Variants in RBFOX1 observed in about 807,000 individuals in gnomAD.
RBFOX1 encodes the protein RNA binding fox-1 homolog 1.
Under a neutral mutation model 57.7 loss-of-function variants are expected in RBFOX1, and 8 were observed. The ratio of observed to expected loss-of-function variants is 0.14; its 90% CI spans 0.08 to 0.25. The LOEUF is 0.25. Ranked by LOEUF, RBFOX1 falls within the 10% of genes least tolerant of loss-of-function variation. The pLI, the probability that RBFOX1 is intolerant of heterozygous loss-of-function variation, is 1.00. For synonymous variants in RBFOX1, 326 were observed against 222.4 expected, an observed-to-expected ratio of 1.47 and a Z score of -4.15; for missense variants, 611 against 548.5, an observed-to-expected ratio of 1.11 and a Z score of -1.14.
At chr16:6,944,877 G>C (rs1464811093) in intron 3 of RBFOX1, among the ~76,000 whole-genome samples, 1 of 152,170 alleles carries the variant, frequency 6.6e-6, no homozygotes, top group African/African-American at 2.4e-5. Context: ...GATGATGGCT[G>C]ATTCGTGGGT....
At chr16:6,390,538 T>A (rs2152931756) in intron 2 of RBFOX1, among the ~76,000 whole-genome samples, 1 of 150,594 alleles carries the variant, frequency 6.6e-6, no homozygotes, top group East Asian at 1.9e-4. Flanking sequence ...CAACTTATAA[T>A]TTAGGGAGGG....
chr16:7,267,937 C>T (rs1170982961), intron 4 of RBFOX1, among the ~76,000 whole-genome samples: 2 of 152,154 alleles, frequency 1.3e-5, no homozygotes, highest in Non-Finnish European at 2.9e-5. Flanking sequence ...CACTTAATGG[C>T]AGGGGTACCG....
chr16:6,598,069 T>C (rs2097795372), intron 2 of RBFOX1, among the ~76,000 whole-genome samples: 1 of 152,178 alleles, frequency 6.6e-6, no homozygotes, highest in Non-Finnish European at 1.5e-5. Context: ...TCAGGTTTGG[T>C]TTTCTGGTAC....
At chr16:7,273,923 G>C (rs529936679) in intron 4 of RBFOX1, among the ~76,000 whole-genome samples, 22 of 152,236 alleles carry the variant, frequency 1.4e-4, no homozygotes, top group African/African-American at 5.1e-4. Context: ...GATTGCTTCT[G>C]TTTTTCTGTA....
At chr16:5,660,652 T>A (rs544252375) in intron 3 of RBFOX1, among the ~76,000 whole-genome samples, 1 of 152,324 alleles carries the variant, frequency 6.6e-6, no homozygotes, top group African/African-American at 2.4e-5. Flanking sequence ...GTTCATTATT[T>A]TTTTTTATAT....
At chr16:7,268,033 C>T (rs925761539) in intron 4 of RBFOX1, among the ~76,000 whole-genome samples, 2 of 152,112 alleles carry the variant, frequency 1.3e-5, no homozygotes, top group African/African-American at 4.8e-5. Context: ...TAGCCTACGA[C>T]ACATCTAGGC....
intron 3 of RBFOX1, among the ~76,000 whole-genome samples, chr16:6,994,836 CTT>C (rs959642686): frequency 2.3e-4 from 35 of 152,098 alleles, no homozygotes; most frequent in African/African-American, 8.4e-4. Flanking sequence ...TAAAAATTCA[CTT>C]TTGATGGTAG....
chr16:6,488,275 C>G (rs1241974694), intron 2 of RBFOX1, among the ~76,000 whole-genome samples: 2 of 152,152 alleles, frequency 1.3e-5, no homozygotes, highest in Non-Finnish European at 2.9e-5. Context: ...CAGTTGTTGT[C>G]TGCAAAGAAG....
At position 6,517,564 on chromosome 16, in the gene RBFOX1, A is replaced by T. The variant is rs369329788; in HGVS notation, c.-63-137039A>T. On this transcript the variant is annotated intron_variant, in intron 2 of 15. Coordinates refer to ENST00000550418, the MANE Select transcript of RBFOX1 (RefSeq NM_018723.4). ...GGAGAGGATGTGAGGATTTATATTC[A>T]AGGAGAATTTAGAAATGCTTTGTGT... Among the ~76,000 whole-genome samples the T allele has an allele frequency of 3.3e-5, 5 of 152,112 alleles. No individual in the cohort carries two copies. In the East Asian group the frequency reaches 9.7e-4, roughly 29 times the overall value.
At chr16:5,404,916 G>A (rs2066820389) in intron 1 of RBFOX1, among the ~76,000 whole-genome samples, 2 of 152,348 alleles carry the variant, frequency 1.3e-5, no homozygotes, top group South Asian at 4.1e-4. Context: ...TCAGTAAAGA[G>A]TTCATTCTGG....
intron 1 of RBFOX1, among the ~76,000 whole-genome samples, chr16:5,285,380 T>G (rs1308201750): frequency 6.6e-6 from 1 of 152,212 alleles, no homozygotes; most frequent in Non-Finnish European, 1.5e-5. Flanking sequence ...TTTGTATTCA[T>G]TATCTGTGTT....
At chr16:7,395,583 G>A (rs2098126589) in intron 4 of RBFOX1, among the ~76,000 whole-genome samples, 1 of 152,198 alleles carries the variant, frequency 6.6e-6, no homozygotes, top group East Asian at 1.9e-4. Context: ...AACAAGGCGA[G>A]ACAAAAGCTT....
chr16:5,989,867 CA>C (rs1427393386), intron 4 of RBFOX1, among the ~76,000 whole-genome samples: 2 of 115,558 alleles, frequency 1.7e-5, no homozygotes, highest in Non-Finnish European at 3.6e-5. Context: ...CACACACACA[CA>C]CACACACACA....
chr16:6,597,126 G>C (rs1443880011), intron 2 of RBFOX1, among the ~76,000 whole-genome samples: 2 of 152,118 alleles, frequency 1.3e-5, no homozygotes, highest in Admixed American at 6.5e-5. Flanking sequence ...AATTACAAAA[G>C]GAGTTGACAT....
At chr16:6,829,282 A>T (rs1165442319) in intron 3 of RBFOX1, among the ~76,000 whole-genome samples, 1 of 152,060 alleles carries the variant, frequency 6.6e-6, no homozygotes, top group Non-Finnish European at 1.5e-5. Context: ...GAGAAATCTG[A>T]GAAGTTCTAC....
intron 4 of RBFOX1, among the ~76,000 whole-genome samples, chr16:7,315,472 T>G (rs935269364): frequency 2.1e-5 from 3 of 139,710 alleles, no homozygotes; most frequent in African/African-American, 7.5e-5. Flanking sequence ...CCCCCCATAC[T>G]GGGGGCTTGA....
chr16:6,612,124 G>T (rs564912847), intron 2 of RBFOX1, among the ~76,000 whole-genome samples: 90 of 152,160 alleles, frequency 5.9e-4, no homozygotes, highest in African/African-American at 2.0e-3. Context: ...TGCATCTAGG[G>T]ATTATCCCTG....
intron 3 of RBFOX1, among the ~76,000 whole-genome samples, chr16:6,961,658 G>C (rs188952618): frequency 6.6e-6 from 1 of 152,138 alleles, no homozygotes; most frequent in South Asian, 2.1e-4. Context: ...GGTGAATTAT[G>C]AGTTTTCTGG....
chr16:7,647,731 T>A (rs987926111), intron 11 of RBFOX1, among the ~76,000 whole-genome samples: 4 of 152,168 alleles, frequency 2.6e-5, no homozygotes, highest in Non-Finnish European at 5.9e-5. Context: ...GAGAGAACAT[T>A]GTGAGTTTCC....
Sources: gnomAD v4.1 joint callset for allele counts (sites outside exome capture counted in the v4.1 genomes callset) on GRCh38, gnomAD v4.1.1 for gene constraint, MANE v1.5 for transcripts, NCBI Gene and HGNC (gene_info 2026-07-23, HGNC 2026-07-21) for gene names.